BRAF: variants seen among roughly 807,000 people sequenced by gnomAD.
BRAF encodes the protein B-Raf proto-oncogene, serine/threonine kinase, also known as serine/threonine-protein kinase B-raf.
In BRAF, 16 loss-of-function variants were observed where a neutral mutation model predicts 104.6. The observed-to-expected ratio is 0.15, with a 90% confidence interval of 0.10 to 0.23. The LOEUF is 0.23. Among genes scored for constraint, BRAF ranks in the 10% least tolerant of loss-of-function variants. The pLI is 1.00. For missense variants in BRAF, 541 were observed against 937.3 expected (o/e 0.58, Z 5.52); for synonymous variants, 310 against 341.6 (o/e 0.91, Z 1.02).
chr7:140,739,733 T>A (rs1048178832), intron 18 of BRAF, 79 bp downstream of exon 17: 7 of 1,534,840 alleles, frequency 4.6e-6, no homozygotes, highest in Non-Finnish European at 6.3e-6. Flanking sequence ...AAATACACAC[T>A]GTGTGCCCAA....
chr7:140,803,767 G>A (rs777994313), intron 5 of BRAF, among the ~76,000 whole-genome samples: 1 of 152,074 alleles, frequency 6.6e-6, no homozygotes, highest in Non-Finnish European at 1.5e-5. Flanking sequence ...GCCAGAAATT[G>A]CTTAAAATAT....
intron 10 of BRAF, 107 bp from the exon 10 acceptor site, chr7:140,783,264 C>T (rs1801053823): frequency 1.4e-6 from 2 of 1,387,212 alleles, no homozygotes; most frequent in East Asian, 5.0e-5. Flanking sequence ...AAATGTAGTG[C>T]ATGTTTAAAT....
chr7:140,800,107 T>C lies in BRAF; in HGVS notation c.980+255A>G, dbSNP rs945977474. ...CCAAAAGAAAGCAGTTCAAGAAGCA[T>C]GTCACTGAAGAGCAGAAGTCAAATC... On this transcript the variant is annotated intron_variant, in intron 7 of 19. Coordinates refer to ENST00000644969, the MANE Select transcript of BRAF (RefSeq NM_001374258.1). The C allele has an allele frequency of 1.2e-5, 6 of 519,234 alleles. No homozygotes were observed. In the Admixed American group the frequency reaches 1.6e-4, roughly 14 times the overall value. The allele number at this position is 519,234 out of a possible 1,614,324, so 32.2% of individuals were successfully genotyped here.
chr7:140,862,657 A>G (rs1810542412), intron 1 of BRAF, among the ~76,000 whole-genome samples: 1 of 152,206 alleles, frequency 6.6e-6, no homozygotes, highest in African/African-American at 2.4e-5. Flanking sequence ...CATCAGCAAC[A>G]TTAAAAGACA....
At chr7:140,760,342 G>A (rs1267359151) in intron 14 of BRAF, among the ~76,000 whole-genome samples, 2 of 151,204 alleles carry the variant, frequency 1.3e-5, no homozygotes, top group Non-Finnish European at 2.9e-5. Context: ...GAACCCTGGA[G>A]ACAGAGGTTG....
At chr7:140,855,799 A>C (rs1427605993) in intron 1 of BRAF, among the ~76,000 whole-genome samples, 1 of 151,688 alleles carries the variant, frequency 6.6e-6, no homozygotes, top group African/African-American at 2.4e-5. Context: ...GCAGGTGGAT[A>C]ACCTGAGGCC....
chr7:140,835,032 T>C (rs1807176137), intron 2 of BRAF, 160 bp from the exon 3 acceptor site: 3 of 741,410 alleles, frequency 4.0e-6, no homozygotes, highest in Non-Finnish European at 2.2e-6. Flanking sequence ...AAATGAATAC[T>C]TTCACCTTTA....
At chr7:140,825,232 T>C (rs1162606462) in intron 3 of BRAF, among the ~76,000 whole-genome samples, 1 of 152,160 alleles carries the variant, frequency 6.6e-6, no homozygotes, top group Non-Finnish European at 1.5e-5. Context: ...CCTCCCAAAG[T>C]GCTGGGATTA....
At chr7:140,886,881 C>A (rs1284289113) in intron 1 of BRAF, among the ~76,000 whole-genome samples, 1 of 152,138 alleles carries the variant, frequency 6.6e-6, no homozygotes, top group African/African-American at 2.4e-5. Context: ...TTATAAATGG[C>A]TTTTGATCTG....
chr7:140,771,565 G>A (rs1041517184), intron 14 of BRAF, among the ~76,000 whole-genome samples: 8 of 152,086 alleles, frequency 5.3e-5, no homozygotes, highest in Admixed American at 1.3e-4. Flanking sequence ...AAATGAATCC[G>A]TTTGTTCCTA....
intron 1 of BRAF, among the ~76,000 whole-genome samples, chr7:140,851,880 C>G (rs1218952310): frequency 6.6e-6 from 1 of 152,190 alleles, no homozygotes; most frequent in East Asian, 1.9e-4. Context: ...ACTGCACTCC[C>G]TTTTATTCTA....
intron 16 of BRAF, among the ~76,000 whole-genome samples, chr7:140,751,116 C>T (rs945192263): frequency 6.6e-6 from 1 of 152,014 alleles, no homozygotes; most frequent in African/African-American, 2.4e-5. Flanking sequence ...ATTATTCTCT[C>T]GTCTTAAAAC....
rs151061155 is a variant in BRAF at position 140,910,582 on chromosome 7, C to A, written c.138+13984G>T. Among the ~76,000 whole-genome samples, 6 of 152,292 alleles carry A rather than the reference C, an allele frequency of 3.9e-5. No homozygotes were observed. The East Asian group carries it at 1.2e-3, about 29-fold the overall frequency. On this transcript the variant is annotated intron_variant, in intron 1 of 19. Coordinates refer to ENST00000644969, the MANE Select transcript of BRAF (RefSeq NM_001374258.1). Reference sequence around the variant, plus strand: ...CCTACCCCCACAAACCAGAGGCTGGCCACTTGAGTTTCTTCCTTACCATCC... The same window carrying A: ...CCTACCCCCACAAACCAGAGGCTGGACACTTGAGTTTCTTCCTTACCATCC...
At chr7:140,789,236 A>G (rs1801703075) in intron 8 of BRAF, among the ~76,000 whole-genome samples, 1 of 151,746 alleles carries the variant, frequency 6.6e-6, no homozygotes, top group Non-Finnish European at 1.5e-5. Flanking sequence ...AAAACTATAT[A>G]TATATTTAGC....
intron 17 of BRAF, among the ~76,000 whole-genome samples, chr7:140,743,047 C>A (rs1177263798): frequency 6.6e-6 from 1 of 152,196 alleles, no homozygotes; most frequent in Non-Finnish European, 1.5e-5. Context: ...CAGTTAGAAT[C>A]ACAATCATTA....
intron 1 of BRAF, among the ~76,000 whole-genome samples, chr7:140,856,670 A>G (rs1809819286): frequency 6.6e-6 from 1 of 152,214 alleles, no homozygotes; most frequent in Admixed American, 6.5e-5. Flanking sequence ...GCCAAAAGGC[A>G]GAGATAAATG....
chr7:140,859,510 T>A (rs180672770), intron 1 of BRAF, among the ~76,000 whole-genome samples: 172 of 152,292 alleles, frequency 1.1e-3, no homozygotes, highest in African/African-American at 3.8e-3. Context: ...ATGACATGTA[T>A]GTGTGCATGC....
At chr7:140,852,976 T>C (rs1424123298) in intron 1 of BRAF, among the ~76,000 whole-genome samples, 3 of 152,182 alleles carry the variant, frequency 2.0e-5, no homozygotes, top group East Asian at 1.9e-4. Context: ...TCAAAATATA[T>C]GTAGATATTA....
At chr7:140,860,453 ACC>A (rs954974189) in intron 1 of BRAF, among the ~76,000 whole-genome samples, 1 of 145,898 alleles carries the variant, frequency 6.9e-6, no homozygotes, top group African/African-American at 2.6e-5. Flanking sequence ...ACATAGCAAG[ACC>A]CCATCTCTAG....
Sources: gnomAD v4.1 joint callset for allele counts (sites outside exome capture counted in the v4.1 genomes callset) on GRCh38, gnomAD v4.1.1 for gene constraint, MANE v1.5 for transcripts, NCBI Gene and HGNC (gene_info 2026-07-23, HGNC 2026-07-21) for gene names.